Variants in TMEM108 observed in about 807,000 individuals in gnomAD.
TMEM108 encodes cancer/testis antigen 124.
TMEM108 carries 12 observed loss-of-function variants against 35.1 expected under a neutral mutation model. That is an observed-to-expected ratio of 0.34 (90% CI 0.22 to 0.55). The LOEUF (loss-of-function observed/expected upper bound fraction) is 0.55. TMEM108 is among the 20% of genes least tolerant of loss of function. The pLI is 0.89. For synonymous variants in TMEM108, 287 were observed against 308.6 expected, an observed-to-expected ratio of 0.93 and a Z score of 0.73; for missense variants, 680 against 753.3, an observed-to-expected ratio of 0.90 and a Z score of 1.14.
intron 2 of TMEM108, among the ~76,000 whole-genome samples, chr3:133,089,740 G>T (rs1373724323): frequency 6.6e-6 from 1 of 152,122 alleles, no homozygotes; most frequent in East Asian, 1.9e-4. Flanking sequence ...CTGATTCTTA[G>T]GAAAAAATGC....
At chr3:133,378,218 AT>A in intron 3 of TMEM108, 1 of 487,742 alleles carries the variant, frequency 2.1e-6, no homozygotes, top group Non-Finnish European at 2.7e-6. Flanking sequence ...CTCCCCACCA[AT>A]TTAGAAGTGC....
intron 2 of TMEM108, among the ~76,000 whole-genome samples, chr3:133,163,555 G>A (rs1435088286): frequency 6.6e-6 from 1 of 152,178 alleles, no homozygotes; most frequent in African/African-American, 2.4e-5. Flanking sequence ...GCTCTTGTTT[G>A]CCCTAGCCAG....
intron 2 of TMEM108, among the ~76,000 whole-genome samples, chr3:133,204,181 C>T (rs181578988): frequency 9.6e-4 from 146 of 151,566 alleles, no homozygotes; most frequent in Non-Finnish European, 1.2e-3. Flanking sequence ...TTTTATTATG[C>T]TCTCTTTTCT....
chr3:133,245,522 A>G (rs1946373367), intron 3 of TMEM108, among the ~76,000 whole-genome samples: 1 of 152,100 alleles, frequency 6.6e-6, no homozygotes, highest in Non-Finnish European at 1.5e-5. Context: ...ACTTTTCCCT[A>G]GTTTAAGTTC....
chr3:133,066,202 T>C (rs867202561), intron 2 of TMEM108, among the ~76,000 whole-genome samples: 112 of 152,264 alleles, frequency 7.4e-4, no homozygotes, highest in African/African-American at 2.6e-3. Flanking sequence ...ATTGGTGTTA[T>C]GCTGGGATAA....
At chr3:133,083,790 G>A (rs1943845310) in intron 2 of TMEM108, among the ~76,000 whole-genome samples, 1 of 152,104 alleles carries the variant, frequency 6.6e-6, no homozygotes, top group South Asian at 2.1e-4. Context: ...GGACAGTCAT[G>A]TAATTGGGGG....
chr3:133,170,102 A>G (rs1444005756), intron 2 of TMEM108, among the ~76,000 whole-genome samples: 1 of 152,216 alleles, frequency 6.6e-6, no homozygotes, highest in African/African-American at 2.4e-5. Flanking sequence ...ACTTCATGGT[A>G]AGAGATGACT....
rs118034486 is a variant in TMEM108 at position 133,078,957 on chromosome 3, T to C, written c.-47+32937T>C. Among the ~76,000 whole-genome samples, 540 of 152,302 alleles carry C rather than the reference T, an allele frequency of 3.5e-3. 24 individuals are homozygous for C. In the East Asian group the frequency reaches 0.084, roughly 24 times the overall value. On this transcript the variant is annotated intron_variant, in intron 2 of 5. Transcript: ENST00000321871. ...GGGTGTTAAGATGCTTAAAACATGA[T>C]TGCTGCCTTTCAGAAACTTTCAGCC...
At chr3:133,143,051 G>T (rs1944662994) in intron 2 of TMEM108, among the ~76,000 whole-genome samples, 1 of 152,148 alleles carries the variant, frequency 6.6e-6, no homozygotes. Context: ...TGATAAAATT[G>T]TGTATGTGAC....
In TMEM108 at chr3:133,120,683, TA is replaced by T. The variant is rs1944342273; in HGVS notation, c.-47+74666del. Among the ~76,000 whole-genome samples the T allele has an allele frequency of 2.0e-5, 3 of 152,306 alleles. No homozygotes were observed. In the South Asian group the frequency reaches 6.2e-4, roughly 32 times the overall value. On this transcript the variant is annotated intron_variant, in intron 2 of 5. Transcript: ENST00000321871. ...CTATGGATCTACACTTCTAAGTAAATAAAGTACCTTTGTACCAAAGGTAACA... is the reference window on the plus strand; with the variant it reads ...CTATGGATCTACACTTCTAAGTAAATAAGTACCTTTGTACCAAAGGTAACA...
chr3:133,236,038 A>G (rs1946231411), intron 3 of TMEM108, among the ~76,000 whole-genome samples: 1 of 152,118 alleles, frequency 6.6e-6, no homozygotes, highest in African/African-American at 2.4e-5. Flanking sequence ...TAAGAAGACT[A>G]AGGCAATTAT....
intron 4 of TMEM108, among the ~76,000 whole-genome samples, chr3:133,383,705 G>C (rs182301595): frequency 4.1e-4 from 62 of 152,318 alleles, no homozygotes; most frequent in Admixed American, 2.9e-3. Context: ...ACACAGCCTG[G>C]GACTGTCCCT....
chr3:133,161,419 A>G (rs1011919647), intron 2 of TMEM108, among the ~76,000 whole-genome samples: 2 of 152,188 alleles, frequency 1.3e-5, no homozygotes, highest in Non-Finnish European at 2.9e-5. Context: ...AATAAGCTCC[A>G]TGAGGCGGGG....
intron 2 of TMEM108, among the ~76,000 whole-genome samples, chr3:133,126,137 G>T (rs1944412493): frequency 6.6e-6 from 1 of 152,132 alleles, no homozygotes; most frequent in African/African-American, 2.4e-5. Context: ...TGACAAAGAA[G>T]CCCAAGTATA....
intron 2 of TMEM108, among the ~76,000 whole-genome samples, chr3:133,138,340 C>A (rs1224661349): frequency 6.6e-6 from 1 of 152,150 alleles, no homozygotes; most frequent in Non-Finnish European, 1.5e-5. Flanking sequence ...TAGTCTCTTC[C>A]TTTATAAGAC....
intron 2 of TMEM108, among the ~76,000 whole-genome samples, chr3:133,133,496 C>G (rs1201216944): frequency 6.6e-6 from 1 of 152,070 alleles, no homozygotes; most frequent in African/African-American, 2.4e-5. Flanking sequence ...GTGTGACTCA[C>G]TTTATTGTGA....
intron 2 of TMEM108, among the ~76,000 whole-genome samples, chr3:133,159,533 C>A (rs1304102151): frequency 6.6e-6 from 1 of 152,152 alleles, no homozygotes; most frequent in East Asian, 1.9e-4. Flanking sequence ...AGGAGCAGCA[C>A]TACAGGTTTA....
chr3:133,040,751 G>T (rs778171586), intron 1 of TMEM108, among the ~76,000 whole-genome samples: 2 of 152,158 alleles, frequency 1.3e-5, no homozygotes, highest in African/African-American at 4.8e-5. Context: ...ATCTAGCAAC[G>T]TACTTCAGTG....
chr3:133,242,647 G>A (rs1269226054), intron 3 of TMEM108, among the ~76,000 whole-genome samples: 1 of 152,224 alleles, frequency 6.6e-6, no homozygotes, highest in African/African-American at 2.4e-5. Flanking sequence ...CTGGTGCTCA[G>A]GGTCTCTCCT....
Sources: allele counts gnomAD v4.1 joint callset (sites outside exome capture counted in the v4.1 genomes callset), GRCh38; gene constraint gnomAD v4.1.1; transcripts MANE v1.5; gene names NCBI Gene and HGNC (gene_info 2026-07-23, HGNC 2026-07-21).